Variants in CTXND1 observed in about 807,000 individuals in gnomAD.
CTXND1 encodes the protein cortexin domain-containing 1 protein.
At chr15:80,218,086 A>G (rs1014446636) in intron 1 of CTXND1, among the ~76,000 whole-genome samples, 13 of 152,194 alleles carry the variant, frequency 8.5e-5, no homozygotes, top group Admixed American at 3.3e-4. Context: ...AATTGTATGT[A>G]GTATTCTCAT....
intron 1 of CTXND1, among the ~76,000 whole-genome samples, chr15:80,225,495 T>A (rs59090669): frequency 0.092 from 13,989 of 152,194 alleles, 836 homozygotes; most frequent in African/African-American, 0.17. Flanking sequence ...AGATAGCGAA[T>A]CTTATGGATT....
At chr15:80,207,495 G>A (rs1242834496) in intron 1 of CTXND1, among the ~76,000 whole-genome samples, 1 of 152,102 alleles carries the variant, frequency 6.6e-6, no homozygotes, top group Non-Finnish European at 1.5e-5. Flanking sequence ...CCTTGTCACT[G>A]ATATCATAAT....
At chr15:80,217,173 C>T (rs1893262760) in intron 1 of CTXND1, among the ~76,000 whole-genome samples, 1 of 152,098 alleles carries the variant, frequency 6.6e-6, no homozygotes, top group Admixed American at 6.6e-5. Flanking sequence ...CAAGCTGAAC[C>T]TCACTTCTGC....
chr15:80,205,785 A>G (rs1381821573), intron 1 of CTXND1, among the ~76,000 whole-genome samples: 1 of 152,092 alleles, frequency 6.6e-6, no homozygotes, highest in Non-Finnish European at 1.5e-5. Flanking sequence ...TGGATTTGAG[A>G]CTTCTCTCTC....
chr15:80,221,140 A>G (rs1893312843), intron 1 of CTXND1, among the ~76,000 whole-genome samples: 1 of 151,812 alleles, frequency 6.6e-6, no homozygotes, highest in Non-Finnish European at 1.5e-5. Flanking sequence ...CGATTTGCTG[A>G]CCTCGTGATC....
chr15:80,243,116 G>T (rs115620379), intron 1 of CTXND1, among the ~76,000 whole-genome samples: 1 of 152,258 alleles, frequency 6.6e-6, no homozygotes, highest in African/African-American at 2.4e-5. Flanking sequence ...GCATCTGCCC[G>T]GTTCCCTTGA....
rs150999178 is a variant in CTXND1 at position 80,216,018 on chromosome 15, A to G, written c.-217-12278T>C. On this transcript the variant is annotated intron_variant, in intron 1 of 2. Coordinates refer to ENST00000560778, the MANE Select transcript of CTXND1 (RefSeq NM_001352888.2). ...GCTCATTAGTAGTTTTTCTCCCAGA[A>G]AGATATGTTAGCTATGTTAGATTTC... 1.1e-3 allele frequency among the ~76,000 whole-genome samples: 160 copies of G among 152,326 alleles called. 1 individual carries two copies. Among genetic ancestry groups the G allele is most frequent in the African/African-American group, 2.9e-3 (121 of 41,552 alleles).
At chr15:80,216,799 G>A (rs983691543) in intron 1 of CTXND1, among the ~76,000 whole-genome samples, 3 of 152,016 alleles carry the variant, frequency 2.0e-5, no homozygotes, top group African/African-American at 7.3e-5. Context: ...ATTTTTAGTA[G>A]AGATGGGGTT....
intron 1 of CTXND1, among the ~76,000 whole-genome samples, chr15:80,248,373 T>A (rs1215517754): frequency 6.6e-6 from 1 of 152,144 alleles, no homozygotes; most frequent in Non-Finnish European, 1.5e-5. Context: ...CTACGGCTTA[T>A]AGGAGACGCA....
chr15:80,205,552 C>T (rs1893139144), intron 1 of CTXND1, among the ~76,000 whole-genome samples: 1 of 152,056 alleles, frequency 6.6e-6, no homozygotes, highest in African/African-American at 2.4e-5. Flanking sequence ...AGAAATTGAC[C>T]CTCCCAGTCT....
intron 1 of CTXND1, among the ~76,000 whole-genome samples, chr15:80,233,993 A>G (rs1893462680): frequency 6.6e-6 from 1 of 152,170 alleles, no homozygotes; most frequent in Admixed American, 6.5e-5. Context: ...TCCCATTAAC[A>G]GAGGTAAAAA....
intron 1 of CTXND1, among the ~76,000 whole-genome samples, chr15:80,213,738 C>T (rs914111097): frequency 2.6e-5 from 4 of 152,134 alleles, no homozygotes; most frequent in African/African-American, 9.7e-5. Context: ...ACAATGAACA[C>T]CTGAGGACGA....
Position 80,198,424 on chromosome 15 carries a change from G to C in CTXND1, c.*3346C>G, listed in dbSNP as rs7166331. ...ATTCTCTAAATGCTTTTCATTTCTT[G>C]TCTGCCAACTTCTAGCCTTCAATAC... On this transcript the variant is annotated 3_prime_UTR_variant, in exon 3 of 3. Coordinates refer to ENST00000560778, the MANE Select transcript of CTXND1 (RefSeq NM_001352888.2). 0.15 allele frequency: 22,884 copies of C among 152,170 alleles called. 1,959 individuals are homozygous for C. The highest frequency in any genetic ancestry group is 0.26 in the East Asian group (1,372 of 5,180). The allele number at this position is 152,170 out of a possible 1,614,324, so 9.4% of individuals were successfully genotyped here.
rs184801621 is a variant in CTXND1, at chr15:80,234,907, C to T, written c.-218+17100G>A. Among the ~76,000 whole-genome samples the T allele has an allele frequency of 4.6e-4, 70 of 152,310 alleles. No homozygotes were observed. In the East Asian group the frequency reaches 0.012, roughly 27 times the overall value. ...GAAACCTGCCGTGTTTTGTTTCCTG[C>T]TTTTGGGGAATGGCCTTCTTCAATG... On this transcript the variant is annotated intron_variant, in intron 1 of 2. Coordinates refer to ENST00000560778, the MANE Select transcript of CTXND1 (RefSeq NM_001352888.2).
intron 1 of CTXND1, among the ~76,000 whole-genome samples, chr15:80,227,284 T>C (rs1893382959): frequency 6.6e-6 from 1 of 152,178 alleles, no homozygotes; most frequent in Non-Finnish European, 1.5e-5. Context: ...ACCTACCTCA[T>C]TGAGTAGTGA....
intron 1 of CTXND1, among the ~76,000 whole-genome samples, chr15:80,217,651 A>G (rs1893268339): frequency 6.6e-6 from 1 of 152,076 alleles, no homozygotes; most frequent in South Asian, 2.1e-4. Flanking sequence ...TGTTCAAGCC[A>G]TCCTCCCACC....
In CTXND1 at chr15:80,195,928, A is replaced by G. The variant is rs1264696671; in HGVS notation, c.*5842T>C. ...AGTTATGGGTCTGTTAAATTGGAAG[A>G]TGATCTTGTGCCATCTGGGGCTCCT... On this transcript the variant is annotated 3_prime_UTR_variant, in exon 3 of 3. Coordinates refer to ENST00000560778, the MANE Select transcript of CTXND1 (RefSeq NM_001352888.2). 6.6e-6 allele frequency: 1 copy of G among 152,194 alleles called. No homozygotes were observed. The highest frequency in any genetic ancestry group is 1.5e-5 in the Non-Finnish European group (1 of 68,032). 9.4% of individuals were successfully genotyped at this position (152,194 alleles called of 1,614,324 possible).
rs995138631 is a variant in CTXND1, at chr15:80,236,114, G to A, written c.-218+15893C>T. On this transcript the variant is annotated intron_variant, in intron 1 of 2. Coordinates refer to ENST00000560778, the MANE Select transcript of CTXND1 (RefSeq NM_001352888.2). ...ACCCCAGTGATGCTCAGCCTTTTGC[G>A]AAACATCCTATGTCATGGTCCTCTC... 2.6e-5 allele frequency among the ~76,000 whole-genome samples: 4 copies of A among 150,974 alleles called. No individual in the cohort carries two copies. The East Asian group carries it at 5.8e-4, about 22-fold the overall frequency.
intron 1 of CTXND1, among the ~76,000 whole-genome samples, chr15:80,235,036 G>T (rs1235368092): frequency 6.6e-6 from 1 of 152,142 alleles, no homozygotes; most frequent in African/African-American, 2.4e-5. Flanking sequence ...TGGGCAGGCT[G>T]CATGACTTCT....
Sources: allele counts gnomAD v4.1 joint callset (sites outside exome capture counted in the v4.1 genomes callset), GRCh38; gene constraint gnomAD v4.1.1; transcripts MANE v1.5; gene names NCBI Gene and HGNC (gene_info 2026-07-23, HGNC 2026-07-21).